INSYN2B: variants seen among roughly 807,000 people sequenced by gnomAD.
INSYN2B encodes protein INSYN2B.
In INSYN2B, 16 loss-of-function variants were observed where a neutral mutation model predicts 41.2. The ratio of observed to expected loss-of-function variants is 0.39; its 90% CI spans 0.26 to 0.59. The LOEUF (loss-of-function observed/expected upper bound fraction) is 0.59. INSYN2B is among the 20% of genes least tolerant of loss of function. The pLI is 0.57. For synonymous variants in INSYN2B, 245 were observed against 244.4 expected (o/e 1.00, Z -0.02); for missense variants, 608 against 646.4 (o/e 0.94, Z 0.64).
At position 169,937,856 on chromosome 5, in the gene INSYN2B, C is replaced by T. The variant is rs560890804; in HGVS notation, c.-919+42421G>A. On this transcript the variant is annotated intron_variant, in intron 1 of 3. Coordinates refer to ENST00000377365, the MANE Select transcript of INSYN2B (RefSeq NM_001129891.3). The stretch of plus-strand genomic sequence containing the variant: ...CTGACAACACTGAAATCAAATATTT[C>T]TTCTCTCACGTGAGTGGTGGGTCCC... Among the ~76,000 whole-genome samples the T allele has an allele frequency of 2.6e-5, 4 of 152,334 alleles. No individual in the cohort carries two copies. The East Asian group carries it at 7.7e-4, about 29-fold the overall frequency.
intron 1 of INSYN2B, among the ~76,000 whole-genome samples, chr5:169,919,370 G>A (rs1380326512): frequency 1.3e-5 from 2 of 152,106 alleles, no homozygotes; most frequent in Admixed American, 1.3e-4. Flanking sequence ...TCCCTCCATA[G>A]ATGGAAATAA....
intron 1 of INSYN2B, among the ~76,000 whole-genome samples, chr5:169,971,505 G>A (rs188065633): frequency 6.8e-6 from 1 of 147,714 alleles, no homozygotes; most frequent in East Asian, 2.1e-4. Context: ...GCTCATTAAT[G>A]TGAAACCTTG....
chr5:169,888,301 T>C (rs765044655), intron 1 of INSYN2B, among the ~76,000 whole-genome samples: 12 of 152,278 alleles, frequency 7.9e-5, no homozygotes, highest in Middle Eastern at 3.4e-3. Flanking sequence ...TCCCTAGGCA[T>C]TGGTGGTTAG....
At chr5:169,913,320 TGA>T (rs1359361308) in intron 1 of INSYN2B, among the ~76,000 whole-genome samples, 2 of 152,230 alleles carry the variant, frequency 1.3e-5, no homozygotes, top group Admixed American at 6.5e-5. Context: ...CCACTCTGCC[TGA>T]GTTTTATTTA....
At chr5:169,947,902 A>AT (rs1776509493) in intron 1 of INSYN2B, among the ~76,000 whole-genome samples, 2 of 152,170 alleles carry the variant, frequency 1.3e-5, no homozygotes, top group Admixed American at 1.3e-4. Flanking sequence ...TCCATAAATA[A>AT]AAAGTAAATG....
intron 3 of INSYN2B, among the ~76,000 whole-genome samples, chr5:169,870,365 A>G (rs1771877186): frequency 6.6e-6 from 1 of 152,172 alleles, no homozygotes; most frequent in African/African-American, 2.4e-5. Flanking sequence ...CTTGGCTGGA[A>G]GAAGAAACAG....
Position 169,883,851 on chromosome 5 carries a change from G to A in INSYN2B, c.48C>T (p.Asn16=). Residue 16 remains asparagine, a synonymous_variant, in exon 2 of 4, where the codon AAC becomes AAT. Coordinates refer to ENST00000377365, the MANE Select transcript of INSYN2B (RefSeq NM_001129891.3). The part of the protein sequence containing the change: ...MKVRPVLLKR[N]SLESVEFVKQ... ...TCACAAACTCCACTGATTCTAGACT[G>A]TTACGCTTTAGAAGCACAGGTCTCA... 1 of 1,536,690 alleles carries A rather than the reference G, an allele frequency of 6.5e-7. No individual in the cohort carries two copies. The highest frequency in any genetic ancestry group is 8.8e-7 in the Non-Finnish European group (1 of 1,139,164).
At chr5:169,866,720 A>C (rs534878625) in intron 3 of INSYN2B, among the ~76,000 whole-genome samples, 25 of 152,340 alleles carry the variant, frequency 1.6e-4, no homozygotes, top group African/African-American at 2.4e-4. Flanking sequence ...AGGCATGTGC[A>C]GACTCACATA....
intron 1 of INSYN2B, among the ~76,000 whole-genome samples, chr5:169,978,403 G>C (rs1413795467): frequency 1.5e-5 from 2 of 133,366 alleles, no homozygotes; most frequent in Non-Finnish European, 3.3e-5. Flanking sequence ...GGGGGGGGGG[G>C]GGTGTAGGTG....
chr5:169,915,437 G>A (rs1156325775), intron 1 of INSYN2B, among the ~76,000 whole-genome samples: 4 of 152,090 alleles, frequency 2.6e-5, no homozygotes, highest in African/African-American at 7.2e-5. Flanking sequence ...AAACCAAAGA[G>A]ATTAAGTCAT....
chr5:169,944,372 G>A (rs7716429), intron 1 of INSYN2B, among the ~76,000 whole-genome samples: 36,292 of 152,184 alleles, frequency 0.24, 4,571 homozygotes, highest in Non-Finnish European at 0.27. Flanking sequence ...TACCAAACAG[G>A]AAGGATTATC....
intron 3 of INSYN2B, among the ~76,000 whole-genome samples, chr5:169,873,504 T>C (rs1772116394): frequency 6.6e-6 from 1 of 152,230 alleles, no homozygotes; most frequent in South Asian, 2.1e-4. Flanking sequence ...GAATAACAGA[T>C]ATGCTGTGTG....
intron 1 of INSYN2B, among the ~76,000 whole-genome samples, chr5:169,893,931 A>C (rs1182536153): frequency 6.6e-6 from 1 of 152,184 alleles, no homozygotes; most frequent in African/African-American, 2.4e-5. Flanking sequence ...TTTACACTTG[A>C]CAATCTCTTC....
rs1444097751 is a variant in INSYN2B, at chr5:169,864,356, G to A, written c.1525C>T (p.Pro509Ser). 3 of 1,551,470 alleles carry A rather than the reference G, an allele frequency of 1.9e-6. No individual in the cohort carries two copies. The highest frequency in any genetic ancestry group is 2.4e-5 in the South Asian group (2 of 84,054). ...VEEASPPPKS[P>S]AEPPAPEKQD... Reference sequence around the variant, plus strand: ...TTTTCCGGGGCTGGGGGTTCTGCTGGGGACTTTGGTGGGGGCGATGCCTCC... The same window carrying A: ...TTTTCCGGGGCTGGGGGTTCTGCTGAGGACTTTGGTGGGGGCGATGCCTCC... Residue 509 changes from proline to serine, a missense_variant, in exon 4 of 4, where the codon CCA becomes TCA. Coordinates refer to ENST00000377365, the MANE Select transcript of INSYN2B (RefSeq NM_001129891.3).
At chr5:169,897,612 A>G (rs11741998) in intron 1 of INSYN2B, among the ~76,000 whole-genome samples, 56,183 of 152,104 alleles carry the variant, frequency 0.37, 11,578 homozygotes, top group Admixed American at 0.5. Flanking sequence ...AGACAGAACC[A>G]CAGCCCCATG....
intron 1 of INSYN2B, among the ~76,000 whole-genome samples, chr5:169,918,651 G>A (rs762583967): frequency 6.6e-6 from 1 of 152,230 alleles, no homozygotes; most frequent in Non-Finnish European, 1.5e-5. Context: ...AGTGGCTCAT[G>A]CCTGTAATCC....
intron 1 of INSYN2B, among the ~76,000 whole-genome samples, chr5:169,905,435 G>A (rs1341239922): frequency 2.0e-5 from 3 of 152,158 alleles, no homozygotes; most frequent in Admixed American, 2.0e-4. Context: ...GCAACCTCTT[G>A]CTTTTTCTTT....
chr5:169,977,887 C>T (rs1777772202), intron 1 of INSYN2B, among the ~76,000 whole-genome samples: 1 of 152,184 alleles, frequency 6.6e-6, no homozygotes, highest in Non-Finnish European at 1.5e-5. Flanking sequence ...AGACCCACCA[C>T]ACAGACAGCA....
chr5:169,973,759 A>G (rs1777610980), intron 1 of INSYN2B, among the ~76,000 whole-genome samples: 3 of 152,228 alleles, frequency 2.0e-5, no homozygotes. Context: ...GCCATAGAGA[A>G]TAGTCATTAA....
Sources: allele counts gnomAD v4.1 joint callset (sites outside exome capture counted in the v4.1 genomes callset), GRCh38; gene constraint gnomAD v4.1.1; transcripts MANE v1.5; gene names NCBI Gene and HGNC (gene_info 2026-07-23, HGNC 2026-07-21).